The following KCNQ5 variants were observed in gnomAD, a reference collection of about 807,000 sequenced individuals.
The protein encoded by KCNQ5 is potassium voltage-gated channel subfamily Q member 5.
A neutral mutation model predicts 98.2 loss-of-function variants in KCNQ5; 30 were observed. That is an observed-to-expected ratio of 0.31 (90% confidence interval 0.23 to 0.41). The LOEUF is 0.41. Ranked by LOEUF, KCNQ5 falls within the 10% of genes least tolerant of loss-of-function variation. The pLI, the probability that KCNQ5 is intolerant of heterozygous loss-of-function variation, is 1.00. For missense variants in KCNQ5, 835 were observed against 1,182.5 expected (o/e 0.71, Z 4.31); for synonymous variants, 458 against 449.4 (o/e 1.02, Z -0.24).
At chr6:72,985,992 A>T (rs1768754911) in intron 1 of KCNQ5, among the ~76,000 whole-genome samples, 1 of 152,156 alleles carries the variant, frequency 6.6e-6, no homozygotes, top group Non-Finnish European at 1.5e-5. Context: ...GCACTTTGGG[A>T]GGCCAAGGCA....
At chr6:73,125,064 T>C (rs545681625) in intron 9 of KCNQ5, among the ~76,000 whole-genome samples, 1 of 142,094 alleles carries the variant, frequency 7.0e-6, no homozygotes, top group Non-Finnish European at 1.5e-5. Context: ...CATATAATCT[T>C]TTTTTTTGGC....
At chr6:72,746,485 G>A (rs1771415038) in intron 1 of KCNQ5, among the ~76,000 whole-genome samples, 1 of 152,112 alleles carries the variant, frequency 6.6e-6, no homozygotes, top group African/African-American at 2.4e-5. Flanking sequence ...GGGTGAGTCA[G>A]GGATTTGCTG....
At chr6:73,000,643 C>T (rs187178669) in intron 1 of KCNQ5, among the ~76,000 whole-genome samples, 79 of 152,254 alleles carry the variant, frequency 5.2e-4, no homozygotes, top group African/African-American at 1.8e-3. Flanking sequence ...CCAGCCACCA[C>T]ACCCGCTTCC....
chr6:72,838,822 C>T lies in KCNQ5; in HGVS notation c.399-165086C>T, dbSNP rs1776640707. Among the ~76,000 whole-genome samples the T allele has an allele frequency of 2.0e-5, 3 of 150,626 alleles. No individual in the cohort carries two copies. The East Asian group carries it at 5.8e-4, about 29-fold the overall frequency. ...AAAATTAGCCGGGCGTGGTAGCGGG[C>T]GCCTGTAGTCCCAGCTACTCGGGAG... On this transcript the variant is annotated intron_variant, in intron 1 of 13. Coordinates refer to ENST00000370398, the MANE Select transcript of KCNQ5 (RefSeq NM_019842.4).
chr6:72,820,853 T>C (rs1775721175), intron 1 of KCNQ5, among the ~76,000 whole-genome samples: 1 of 152,206 alleles, frequency 6.6e-6, no homozygotes, highest in South Asian at 2.1e-4. Flanking sequence ...AGAAGTATTA[T>C]AAGAGTTGTC....
At chr6:72,983,030 C>T (rs866868052) in intron 1 of KCNQ5, among the ~76,000 whole-genome samples, 6 of 152,156 alleles carry the variant, frequency 3.9e-5, no homozygotes, top group South Asian at 4.1e-4. Context: ...GAGTTTCTGC[C>T]GAGAGATCCG....
intron 1 of KCNQ5, among the ~76,000 whole-genome samples, chr6:72,684,210 A>G (rs919924224): frequency 6.6e-6 from 1 of 152,166 alleles, no homozygotes; most frequent in Non-Finnish European, 1.5e-5. Flanking sequence ...CAAGGTCCTT[A>G]TTCATTCAAG....
intron 2 of KCNQ5, among the ~76,000 whole-genome samples, chr6:73,036,178 A>G (rs1159303748): frequency 1.3e-5 from 2 of 151,976 alleles, no homozygotes; most frequent in Non-Finnish European, 2.9e-5. Context: ...CGAGGTCAGG[A>G]GATCAAGACC....
intron 1 of KCNQ5, among the ~76,000 whole-genome samples, chr6:72,985,875 C>T (rs1768749611): frequency 6.6e-6 from 1 of 152,166 alleles, no homozygotes; most frequent in Non-Finnish European, 1.5e-5. Flanking sequence ...TTCATTGCTG[C>T]ACTATTCACA....
chr6:73,112,439 G>A (rs1187401281), intron 7 of KCNQ5, among the ~76,000 whole-genome samples: 3 of 150,296 alleles, frequency 2.0e-5, no homozygotes, highest in African/African-American at 2.4e-5. Context: ...TCCGCCTCCT[G>A]GGTTCACGCC....
chr6:72,839,741 TG>T lies in KCNQ5; in HGVS notation c.399-164165del, dbSNP rs1223057265. 1.1e-4 allele frequency among the ~76,000 whole-genome samples: 16 copies of T among 152,360 alleles called. 1 individual carries two copies. The South Asian group carries it at 2.3e-3, about 22-fold the overall frequency. ...GATGTTTTGATATATGTATATAATA[TG>T]GAATGATTAAGTAAGCTAATTAACA... On this transcript the variant is annotated intron_variant, in intron 1 of 13. Transcript: ENST00000370398.
rs112770135 is a variant in KCNQ5, at chr6:73,065,549, G to A, written c.617-11773G>A. ...TCCCAAAGGTAACCAAAATGATCTTGTGAAATACACATCTGATCCTGCACT... is the reference window on the plus strand; with the variant it reads ...TCCCAAAGGTAACCAAAATGATCTTATGAAATACACATCTGATCCTGCACT... On this transcript the variant is annotated intron_variant, in intron 3 of 13. Coordinates refer to ENST00000370398, the MANE Select transcript of KCNQ5 (RefSeq NM_019842.4). Among the ~76,000 whole-genome samples the A allele has an allele frequency of 4.5e-3, 682 of 152,242 alleles. 5 individuals are homozygous for A. Among genetic ancestry groups the A allele is most frequent in the African/African-American group, 0.016 (648 of 41,530 alleles).
intron 10 of KCNQ5, among the ~76,000 whole-genome samples, chr6:73,142,783 G>A (rs1162055481): frequency 6.6e-6 from 1 of 152,098 alleles, no homozygotes; most frequent in Non-Finnish European, 1.5e-5. Flanking sequence ...AGGCGTGGTG[G>A]CGGGCACCTG....
intron 3 of KCNQ5, among the ~76,000 whole-genome samples, chr6:73,052,385 G>C (rs1772284467): frequency 6.6e-6 from 1 of 152,094 alleles, no homozygotes; most frequent in South Asian, 2.1e-4. Context: ...AGAAAATGCA[G>C]AGAACCCTTG....
chr6:72,911,373 C>T (rs1779935427), intron 1 of KCNQ5, among the ~76,000 whole-genome samples: 1 of 152,120 alleles, frequency 6.6e-6, no homozygotes, highest in Admixed American at 6.6e-5. Context: ...TGTGAGGTTA[C>T]AATAAGAAGT....
chr6:73,027,229 A>G (rs1278646992), intron 2 of KCNQ5, among the ~76,000 whole-genome samples: 1 of 152,210 alleles, frequency 6.6e-6, no homozygotes, highest in Non-Finnish European at 1.5e-5. Context: ...TAGTGAAGAT[A>G]GGGCTGTGGA....
chr6:72,694,292 C>T (rs1768369356), intron 1 of KCNQ5, among the ~76,000 whole-genome samples: 1 of 152,122 alleles, frequency 6.6e-6, no homozygotes, highest in African/African-American at 2.4e-5. Flanking sequence ...TAAAGTTGTG[C>T]CCCCCTGTGG....
intron 3 of KCNQ5, among the ~76,000 whole-genome samples, chr6:73,073,881 A>T (rs894038106): frequency 6.6e-6 from 1 of 152,226 alleles, no homozygotes; most frequent in Non-Finnish European, 1.5e-5. Flanking sequence ...ATATATATGC[A>T]TATACTTTAA....
At chr6:72,868,752 C>A (rs891171104) in intron 1 of KCNQ5, among the ~76,000 whole-genome samples, 3 of 152,228 alleles carry the variant, frequency 2.0e-5, no homozygotes, top group Middle Eastern at 3.4e-3. Flanking sequence ...GCTCCCATAA[C>A]GAGATGGTGT....
Sources: allele counts gnomAD v4.1 joint callset (sites outside exome capture counted in the v4.1 genomes callset), GRCh38; gene constraint gnomAD v4.1.1; transcripts MANE v1.5; gene names NCBI Gene and HGNC (gene_info 2026-07-23, HGNC 2026-07-21).